The following DNAI3 variants were observed in gnomAD, a reference collection of about 807,000 sequenced individuals.
The protein encoded by DNAI3 is WD repeat domain 63.
In DNAI3, 83 loss-of-function variants were observed where a neutral mutation model predicts 115.5. That is an observed-to-expected ratio of 0.72 (90% CI 0.60 to 0.86). DNAI3 has a LOEUF of 0.86. DNAI3 is among the 40% of genes least tolerant of loss of function. The pLI, the probability that DNAI3 is intolerant of heterozygous loss-of-function variation, is 0.00. For synonymous variants in DNAI3, 320 were observed against 347.0 expected (o/e 0.92, Z 0.86); for missense variants, 1,004 against 1,075.8 (o/e 0.93, Z 0.93).
At chr1:85,079,565 A>G (rs1030934) in intron 3 of DNAI3, among the ~76,000 whole-genome samples, 90,667 of 151,854 alleles carry the variant, frequency 0.6, 27,094 homozygotes, top group Non-Finnish European at 0.6. Flanking sequence ...CGTGGGTGCT[A>G]GAGGAGATGG....
intron 15 of DNAI3, among the ~76,000 whole-genome samples, chr1:85,109,348 C>A (rs1475416075): frequency 1.3e-5 from 2 of 152,002 alleles, no homozygotes; most frequent in African/African-American, 4.8e-5. Flanking sequence ...GAAGAGAGAA[C>A]ATGGAGGAAT....
At chr1:85,071,861 A>G in intron 1 of DNAI3, 67 bp from the exon 2 acceptor site, 1 of 1,374,510 alleles carries the variant, frequency 7.3e-7, no homozygotes, top group Non-Finnish European at 1.0e-6. Context: ...GATAATGTTT[A>G]GTATTTGAAA....
chr1:85,129,098 T>G (rs1448631446), intron 21 of DNAI3, among the ~76,000 whole-genome samples: 3 of 151,864 alleles, frequency 2.0e-5, no homozygotes, highest in Non-Finnish European at 4.4e-5. Context: ...AAGTGTGGGG[T>G]GCTGATTTCA....
In DNAI3 at chr1:85,098,558, A is replaced by G; in HGVS notation, c.1379A>G (p.Asn460Ser). 6.2e-7 allele frequency: 1 copy of G among 1,612,732 alleles called. No individual in the cohort carries two copies. Among genetic ancestry groups the G allele is most frequent in the Non-Finnish European group, 8.5e-7 (1 of 1,179,560 alleles). ...ATGTTTCTCCTTGAACCGGAGAGTA[A>G]TAAAGAAGCAATGTATATCAGACAC... ...KPMFLLEPESNKEAMYIRHCA... is the reference protein window; with the variant it reads ...KPMFLLEPESSKEAMYIRHCA... The change falls in exon 13 of 23, where the codon AAT becomes AGT. Residue 460 changes from asparagine (N) to serine (S), a missense_variant. Coordinates refer to ENST00000294664, the MANE Select transcript of DNAI3 (RefSeq NM_145172.5).
chr1:85,112,388 T>A (rs753789455), intron 16 of DNAI3, among the ~76,000 whole-genome samples: 2 of 152,210 alleles, frequency 1.3e-5, no homozygotes, highest in African/African-American at 2.4e-5. Flanking sequence ...AAATAAAGCT[T>A]TTATGAACAT....
Position 85,110,155 on chromosome 1 carries a change from TAA to T in DNAI3, c.1786+33_1786+34del, listed in dbSNP as rs376334573. ...CACAAGGTAACTGCCTTTGCTTATT[TAA>T]AAAAAAAAAAAAGGCCGGGCGCGGT... On this transcript the variant is annotated intron_variant, in intron 16 of 22. Coordinates refer to ENST00000294664, the MANE Select transcript of DNAI3 (RefSeq NM_145172.5). 0.01 allele frequency: 13,422 copies of T among 1,327,270 alleles called. No homozygotes were observed. The highest frequency in any genetic ancestry group is 0.015 in the East Asian group (555 of 37,380). The allele number at this position is 1,327,270 out of a possible 1,614,324, so 82.2% of individuals were successfully genotyped here.
At chr1:85,120,465 T>C (rs1432095844) in intron 17 of DNAI3, among the ~76,000 whole-genome samples, 1 of 152,212 alleles carries the variant, frequency 6.6e-6, no homozygotes, top group Non-Finnish European at 1.5e-5. Context: ...TATAGAGGTT[T>C]CCAGCTAGGT....
At chr1:85,107,723 T>C (rs1655531313) in intron 14 of DNAI3, among the ~76,000 whole-genome samples, 1 of 152,206 alleles carries the variant, frequency 6.6e-6, no homozygotes, top group Admixed American at 6.5e-5. Context: ...CATTGAGTTA[T>C]ACACTTTAAT....
chr1:85,101,584 C>T (rs1268717063), intron 13 of DNAI3, among the ~76,000 whole-genome samples: 2 of 151,560 alleles, frequency 1.3e-5, no homozygotes, highest in African/African-American at 2.4e-5. Flanking sequence ...CAAAATTAGC[C>T]GGGCGTGGTG....
intron 17 of DNAI3, among the ~76,000 whole-genome samples, chr1:85,120,766 G>A (rs541840700): frequency 2.6e-5 from 4 of 152,296 alleles, no homozygotes; most frequent in Non-Finnish European, 2.9e-5. Flanking sequence ...TGTGAGGATC[G>A]TGAGTAGAGA....
At chr1:85,111,924 C>T (rs1376465955) in intron 16 of DNAI3, among the ~76,000 whole-genome samples, 1 of 152,162 alleles carries the variant, frequency 6.6e-6, no homozygotes, top group South Asian at 2.1e-4. Context: ...AAAGTTTATT[C>T]ATAGAGGAAT....
At chr1:85,099,533 T>C (rs1655227847) in intron 13 of DNAI3, among the ~76,000 whole-genome samples, 1 of 152,062 alleles carries the variant, frequency 6.6e-6, no homozygotes, top group Non-Finnish European at 1.5e-5. Flanking sequence ...ATCAATATCG[T>C]GAAAATGGCC....
rs780993499 is a variant in DNAI3 at position 85,132,750 on chromosome 1, A to G, written c.2533-105A>G. Reference sequence around the variant, plus strand: ...CTGCCCTCCATCCAGCCCTTTCCAGAAAACAGCAGCCAGGTCAACTATTCA... The same window carrying G: ...CTGCCCTCCATCCAGCCCTTTCCAGGAAACAGCAGCCAGGTCAACTATTCA... On this transcript the variant is annotated intron_variant, in intron 22 of 22. Transcript: ENST00000294664. 3.4e-5 allele frequency: 49 copies of G among 1,437,060 alleles called. No homozygotes were observed. In the Middle Eastern group the frequency reaches 1.7e-3, roughly 49 times the overall value. The allele number at this position is 1,437,060 out of a possible 1,614,324, so 89.0% of individuals were successfully genotyped here. A position where few individuals can be genotyped will look rare whatever the true frequency, so the allele number is the denominator to read the frequency against.
intron 20 of DNAI3, 125 bp from the exon 21 acceptor site, chr1:85,128,583 A>C: frequency 1.4e-6 from 1 of 706,446 alleles, no homozygotes; most frequent in South Asian, 1.9e-5. Flanking sequence ...TGAAAATGCC[A>C]AGATCACTGG....
At chr1:85,132,739 G>A (rs74582723) in intron 22 of DNAI3, 116 bp from the exon 23 acceptor site, 74,857 of 1,302,266 alleles carry the variant, frequency 0.057, 2,338 homozygotes, top group East Asian at 0.12. Context: ...CCTCCATCCA[G>A]CCCTTTCCAG....
chr1:85,079,543 G>A (rs1050164856), intron 3 of DNAI3, among the ~76,000 whole-genome samples: 13 of 152,304 alleles, frequency 8.5e-5, no homozygotes, highest in African/African-American at 2.9e-4. Flanking sequence ...AGGATGGCCT[G>A]ACATCCAGGG....
chr1:85,072,248 A>G (rs1333276079), intron 2 of DNAI3, among the ~76,000 whole-genome samples: 5 of 152,216 alleles, frequency 3.3e-5, no homozygotes, highest in Non-Finnish European at 7.3e-5. Context: ...AACAGTGTGA[A>G]AGACAATTAT....
chr1:85,079,200 A>G (rs1283365311), intron 3 of DNAI3, among the ~76,000 whole-genome samples: 2 of 152,180 alleles, frequency 1.3e-5, no homozygotes, highest in Non-Finnish European at 2.9e-5. Context: ...CTTGATTCGA[A>G]TCAAGTCAAC....
Position 85,081,314 on chromosome 1 carries a change from G to T in DNAI3, c.184G>T (p.Asp62Tyr). Reference protein sequence around the residue: ...FNCRIDEDVTDEQPYKLINKE... With the variant: ...FNCRIDEDVTYEQPYKLINKE... The stretch of plus-strand genomic sequence containing the variant: ...CTGCCGAATAGATGAAGATGTCACA[G>T]ATGAACAACCTTATAAGCTTATCAA... The change falls in exon 4 of 23, where the codon GAT becomes TAT. Residue 62 changes from aspartate (D) to tyrosine (Y), a missense_variant. Coordinates refer to ENST00000294664, the MANE Select transcript of DNAI3 (RefSeq NM_145172.5). The T allele has an allele frequency of 6.2e-7, 1 of 1,604,614 alleles. No homozygotes were observed. Among genetic ancestry groups the T allele is most frequent in the Non-Finnish European group, 8.5e-7 (1 of 1,176,840 alleles).
Sources: allele counts gnomAD v4.1 joint callset (sites outside exome capture counted in the v4.1 genomes callset), GRCh38; gene constraint gnomAD v4.1.1; transcripts MANE v1.5; gene names NCBI Gene and HGNC (gene_info 2026-07-23, HGNC 2026-07-21).